The following RFX3 variants were observed in gnomAD, a reference collection of about 807,000 sequenced individuals.
RFX3 encodes transcription factor RFX3.
In RFX3, 14 loss-of-function variants were observed where a neutral mutation model predicts 98.6. The observed-to-expected ratio is 0.14, with a 90% CI of 0.09 to 0.22. The LOEUF (loss-of-function observed/expected upper bound fraction) is 0.22, where lower values mean the gene tolerates loss of function less well. Ranked by LOEUF, RFX3 falls within the 10% of genes least tolerant of loss-of-function variation. The pLI is 1.00. For synonymous variants in RFX3, 383 were observed against 328.4 expected (o/e 1.17, Z -1.80); for missense variants, 639 against 926.9 (o/e 0.69, Z 4.03).
intron 1 of RFX3, among the ~76,000 whole-genome samples, chr9:3,451,611 A>C (rs562700836): frequency 6.6e-6 from 1 of 152,294 alleles, no homozygotes; most frequent in African/African-American, 2.4e-5. Context: ...GTGCAGAAGC[A>C]TTCCAAATAA....
chr9:3,428,653 G>A (rs1764230558), intron 1 of RFX3, among the ~76,000 whole-genome samples: 1 of 152,052 alleles, frequency 6.6e-6, no homozygotes, highest in African/African-American at 2.4e-5. Context: ...TTTGAAGTTA[G>A]TCTGATCTCA....
intron 1 of RFX3, among the ~76,000 whole-genome samples, chr9:3,399,671 G>C (rs1319075354): frequency 6.6e-6 from 1 of 152,088 alleles, no homozygotes; most frequent in Non-Finnish European, 1.5e-5. Flanking sequence ...TTTTGAGGGG[G>C]CCGGGGGCAG....
intron 1 of RFX3, chr9:3,524,705 G>T (rs776115391): frequency 1.1e-5 from 9 of 800,906 alleles, no homozygotes; most frequent in Non-Finnish European, 1.4e-5. Context: ...CGGGGAAGGA[G>T]GATCATCAAA....
chr9:3,234,358 G>T (rs1301634721), intron 15 of RFX3, among the ~76,000 whole-genome samples: 1 of 152,244 alleles, frequency 6.6e-6, no homozygotes, highest in East Asian at 1.9e-4. Flanking sequence ...CAAAAACAAG[G>T]CTGGGCACAG....
intron 1 of RFX3, among the ~76,000 whole-genome samples, chr9:3,410,210 G>GTGTGTGTGTGT: frequency 8.1e-5 from 2 of 24,800 alleles, no homozygotes; most frequent in East Asian, 1.9e-3. Flanking sequence ...TGTGTGTGTG[G>GTGTGTGTGTGT]CGCTATCAAC....
chr9:3,247,720 T>A (rs1433255191), intron 15 of RFX3: 37 of 1,521,292 alleles, frequency 2.4e-5, no homozygotes, highest in Non-Finnish European at 3.3e-5. Context: ...AGCACCAATC[T>A]TTTTCCCACT....
intron 1 of RFX3, among the ~76,000 whole-genome samples, chr9:3,458,775 C>A (rs1436278743): frequency 6.6e-6 from 1 of 151,964 alleles, no homozygotes; most frequent in African/African-American, 2.4e-5. Flanking sequence ...ATTTATTATT[C>A]TGTAAGAAAA....
chr9:3,498,916 T>A (rs1851298962), intron 1 of RFX3, among the ~76,000 whole-genome samples: 1 of 152,104 alleles, frequency 6.6e-6, no homozygotes, highest in Non-Finnish European at 1.5e-5. Context: ...CTAATAAACC[T>A]GTAGGCTTCC....
At chr9:3,291,355 G>A (rs1270770763) in intron 6 of RFX3, among the ~76,000 whole-genome samples, 2 of 151,864 alleles carry the variant, frequency 1.3e-5, no homozygotes, top group Non-Finnish European at 2.9e-5. Context: ...CTGGGCAACA[G>A]AGCGAGAATC....
At chr9:3,391,078 C>A (rs574458589) in intron 2 of RFX3, among the ~76,000 whole-genome samples, 2 of 152,226 alleles carry the variant, frequency 1.3e-5, no homozygotes, top group South Asian at 4.2e-4. Context: ...GAAGTAACTA[C>A]CTTTGACATC....
intron 2 of RFX3, among the ~76,000 whole-genome samples, chr9:3,359,225 AGAG>A (rs1414707252): frequency 6.6e-6 from 1 of 152,116 alleles, no homozygotes; most frequent in African/African-American, 2.4e-5. Context: ...GACAATGAAA[AGAG>A]GAACCAAAAA....
rs1443167644 is a variant in RFX3 at position 3,367,610 on chromosome 9, T to C, written c.118-20846A>G. On this transcript the variant is annotated intron_variant, in intron 2 of 16. Transcript: ENST00000617270. ...TCCAGACAGAGTCCAAAGGAATTGT[T>C]ACCAACATTTTACACCTCCATGGGT... Among the ~76,000 whole-genome samples the C allele has an allele frequency of 2.6e-5, 4 of 152,314 alleles. No homozygotes were observed. In the East Asian group the frequency reaches 7.7e-4, roughly 29 times the overall value.
intron 1 of RFX3, among the ~76,000 whole-genome samples, chr9:3,504,927 T>TATACATAA (rs1564185780): frequency 2.7e-5 from 2 of 73,582 alleles, no homozygotes; most frequent in Non-Finnish European, 4.4e-5. Flanking sequence ...ATAACATATA[T>TATACATAA]TATATATAAT....
intron 1 of RFX3, among the ~76,000 whole-genome samples, chr9:3,466,785 G>A (rs746679066): frequency 5.3e-5 from 8 of 151,754 alleles, no homozygotes; most frequent in South Asian, 4.1e-4. Context: ...ATTATTGCCC[G>A]AAGTCAAAGA....
At chr9:3,240,772 G>C (rs947681885) in intron 15 of RFX3, among the ~76,000 whole-genome samples, 1 of 152,198 alleles carries the variant, frequency 6.6e-6, no homozygotes, top group Admixed American at 6.5e-5. Context: ...ATCTTCACCT[G>C]TGGTTGAGAG....
At chr9:3,298,847 T>A (rs1198554202) in intron 5 of RFX3, among the ~76,000 whole-genome samples, 1 of 151,752 alleles carries the variant, frequency 6.6e-6, no homozygotes, top group Non-Finnish European at 1.5e-5. Context: ...AAATAGGAAG[T>A]CTTTGCTTAT....
chr9:3,358,282 T>G (rs1836007664), intron 2 of RFX3, among the ~76,000 whole-genome samples: 1 of 152,160 alleles, frequency 6.6e-6, no homozygotes, highest in Non-Finnish European at 1.5e-5. Context: ...TATGAAATAC[T>G]TCATAAACAA....
chr9:3,241,814 A>G (rs1819966428), intron 15 of RFX3, among the ~76,000 whole-genome samples: 1 of 152,188 alleles, frequency 6.6e-6, no homozygotes, highest in African/African-American at 2.4e-5. Context: ...ATTTGCTTAG[A>G]CTAATATTCC....
At position 3,496,301 on chromosome 9, in the gene RFX3, G is replaced by A. The variant is rs181180054; in HGVS notation, c.-9+29446C>T. On this transcript the variant is annotated intron_variant, in intron 1 of 16. Coordinates refer to ENST00000617270, the MANE Select transcript of RFX3 (RefSeq NM_001282116.2). ...TTAGTGCATATTTTTTTCTATTACT[G>A]CTCCTGTAATCTTTAATGATCCTGC... is the stretch of plus-strand genomic sequence containing the variant. 4.6e-5 allele frequency among the ~76,000 whole-genome samples: 7 copies of A among 151,922 alleles called. No homozygotes were observed. In the East Asian group the frequency reaches 5.8e-4, roughly 13 times the overall value.
Sources: gnomAD v4.1 joint callset for allele counts (sites outside exome capture counted in the v4.1 genomes callset) on GRCh38, gnomAD v4.1.1 for gene constraint, MANE v1.5 for transcripts, NCBI Gene and HGNC (gene_info 2026-07-23, HGNC 2026-07-21) for gene names.